CYSTM1: variants seen among roughly 807,000 people sequenced by gnomAD.
CYSTM1 encodes cysteine rich transmembrane module containing 1, also known as cysteine-rich transmembrane module-containing protein 1.
CYSTM1 carries 4 observed loss-of-function variants against 13.1 expected under a neutral mutation model. The ratio of observed to expected loss-of-function variants is 0.31; its 90% CI spans 0.15 to 0.70. The LOEUF is 0.70. CYSTM1 is among the 30% of genes least tolerant of loss of function. CYSTM1 has a pLI of 0.72. For missense variants in CYSTM1, 96 were observed against 121.6 expected, an observed-to-expected ratio of 0.79 and a Z score of 0.99; for synonymous variants, 36 against 42.7, an observed-to-expected ratio of 0.84 and a Z score of 0.62.
intron 1 of CYSTM1, among the ~76,000 whole-genome samples, chr5:140,188,175 A>T (rs1764045327): frequency 6.6e-6 from 1 of 151,184 alleles, no homozygotes; most frequent in Non-Finnish European, 1.5e-5. Context: ...CCTGGGCTGA[A>T]GTGATCCTCC....
At chr5:140,195,882 TA>T (rs35941597) in intron 2 of CYSTM1, among the ~76,000 whole-genome samples, 1 of 151,542 alleles carries the variant, frequency 6.6e-6, no homozygotes, top group East Asian at 2.0e-4. Context: ...CCGTCTCTAC[TA>T]AAAATACAAA....
chr5:140,192,704 T>A (rs992391634), intron 1 of CYSTM1, among the ~76,000 whole-genome samples: 3 of 152,216 alleles, frequency 2.0e-5, no homozygotes, highest in Non-Finnish European at 4.4e-5. Flanking sequence ...TTTTACTGAT[T>A]GAACCACTTC....
intron 2 of CYSTM1, among the ~76,000 whole-genome samples, chr5:140,195,439 CTTTT>C (rs35389567): frequency 6.9e-5 from 7 of 101,356 alleles, no homozygotes; most frequent in Admixed American, 1.1e-4. Flanking sequence ...GCCCTTTCAG[CTTTT>C]TTTTTTTTTT....
chr5:140,221,419 T>G (rs1764487130), intron 2 of CYSTM1, among the ~76,000 whole-genome samples: 1 of 152,200 alleles, frequency 6.6e-6, no homozygotes, highest in Non-Finnish European at 1.5e-5. Context: ...CTACTTTCCA[T>G]GTCTATGAAT....
chr5:140,226,458 G>A (rs942334235), intron 2 of CYSTM1, among the ~76,000 whole-genome samples: 4 of 111,524 alleles, frequency 3.6e-5, no homozygotes, highest in Middle Eastern at 4.5e-3. Flanking sequence ...GTGAAAACCC[G>A]TCTCTATAAA....
At chr5:140,184,054 T>C (rs1180907937) in intron 1 of CYSTM1, among the ~76,000 whole-genome samples, 1 of 151,682 alleles carries the variant, frequency 6.6e-6, no homozygotes, top group Non-Finnish European at 1.5e-5. Flanking sequence ...GGGTTTTAAC[T>C]TTCATTGTTA....
At chr5:140,195,254 A>T (rs1001974400) in intron 2 of CYSTM1, among the ~76,000 whole-genome samples, 1 of 152,178 alleles carries the variant, frequency 6.6e-6, no homozygotes, top group Non-Finnish European at 1.5e-5. Context: ...GTAAACATTT[A>T]GAAACTTTTA....
chr5:140,195,666 C>T (rs1433149836), intron 2 of CYSTM1, among the ~76,000 whole-genome samples: 1 of 150,964 alleles, frequency 6.6e-6, no homozygotes, highest in Non-Finnish European at 1.5e-5. Context: ...CTCCTGACCT[C>T]GTGATCCGCC....
intron 2 of CYSTM1, among the ~76,000 whole-genome samples, chr5:140,226,165 C>T (rs1450859130): frequency 6.6e-6 from 1 of 152,134 alleles, no homozygotes; most frequent in East Asian, 1.9e-4. Context: ...ATTTTACATG[C>T]ATAATCTCTT....
chr5:140,193,097 TA>T (rs1764111602), intron 1 of CYSTM1, among the ~76,000 whole-genome samples: 1 of 152,230 alleles, frequency 6.6e-6, no homozygotes, highest in Non-Finnish European at 1.5e-5. Flanking sequence ...GTGAAATTAT[TA>T]CATTTTGAAT....
At chr5:140,210,670 C>T (rs1764357267) in intron 2 of CYSTM1, among the ~76,000 whole-genome samples, 1 of 152,000 alleles carries the variant, frequency 6.6e-6, no homozygotes, top group Non-Finnish European at 1.5e-5. Flanking sequence ...CACCACGATG[C>T]CCAGCTAATT....
Sources: gnomAD v4.1 joint callset for allele counts (sites outside exome capture counted in the v4.1 genomes callset) on GRCh38, gnomAD v4.1.1 for gene constraint, MANE v1.5 for transcripts, NCBI Gene and HGNC (gene_info 2026-07-23, HGNC 2026-07-21) for gene names.